Variants in ALDH1L2 observed in about 807,000 individuals in gnomAD.
The protein encoded by ALDH1L2 is mitochondrial 10-formyltetrahydrofolate dehydrogenase.
A neutral mutation model predicts 111.0 loss-of-function variants in ALDH1L2; 91 were observed. The observed-to-expected ratio is 0.82, with a 90% CI of 0.69 to 0.98. The LOEUF (loss-of-function observed/expected upper bound fraction) is 0.98. ALDH1L2 is among the 50% of genes least tolerant of loss of function. The probability of loss-of-function intolerance (pLI) is 0.00; values close to 1 mark genes in which losing one functional copy is unlikely to be tolerated. For missense variants in ALDH1L2, 995 were observed against 1,126.8 expected, an observed-to-expected ratio of 0.88 and a Z score of 1.67; for synonymous variants, 374 against 392.6, an observed-to-expected ratio of 0.95 and a Z score of 0.56.
intron 20 of ALDH1L2, 78 bp from the exon 21 acceptor site, chr12:105,030,507 A>T: frequency 8.1e-7 from 1 of 1,240,774 alleles, no homozygotes; most frequent in Non-Finnish European, 1.1e-6. Flanking sequence ...ACTTAATTAC[A>T]TTATAATTTT....
Position 105,073,846 on chromosome 12 carries a change from C to T in ALDH1L2, c.193+15G>A. On this transcript the variant is annotated intron_variant, in intron 2 of 22. Transcript: ENST00000258494. The stretch of plus-strand genomic sequence containing the variant: ...CCTGAGAATTCTTGACCCAGTCATC[C>T]CAAGATGCACTCACCCAGAGGGTCA... 1 of 1,613,720 alleles carries T rather than the reference C, an allele frequency of 6.2e-7. No homozygotes were observed. The highest frequency in any genetic ancestry group is 1.1e-5 in the South Asian group (1 of 90,996).
chr12:105,074,093 G>A (rs998841800), intron 1 of ALDH1L2, 88 bp from the exon 2 acceptor site: 47 of 1,510,560 alleles, frequency 3.1e-5, no homozygotes, highest in Non-Finnish European at 3.8e-5. Flanking sequence ...TATTGGGTAC[G>A]ATGTTCACTC....
rs774102069 is a variant in ALDH1L2, at chr12:105,020,778, CAA to C, written c.*3644_*3645del. 16 of 152,172 alleles carry C rather than the reference CAA, an allele frequency of 1.1e-4. No homozygotes were observed. Among genetic ancestry groups the C allele is most frequent in the African/African-American group, 3.9e-4 (16 of 41,424 alleles). 9.4% of individuals were successfully genotyped at this position (152,172 alleles called of 1,614,324 possible). A position where few individuals can be genotyped will look rare whatever the true frequency, so the allele number is the denominator to read the frequency against. On this transcript the variant is annotated 3_prime_UTR_variant, in exon 23 of 23. Transcript: ENST00000258494. The stretch of plus-strand genomic sequence containing the variant: ...AGCCAGCCATGAGGTTGTGTATGGA[CAA>C]GAGTTGCAGGAAGAGGCAGTGGTGT...
chr12:105,038,832 G>A (rs1231320477), intron 17 of ALDH1L2, among the ~76,000 whole-genome samples: 3 of 152,070 alleles, frequency 2.0e-5, no homozygotes, highest in Non-Finnish European at 2.9e-5. Flanking sequence ...CAAAAATGTT[G>A]TGGTCAAAAG....
intron 10 of ALDH1L2, among the ~76,000 whole-genome samples, chr12:105,053,765 G>A (rs4144468): frequency 0.39 from 58,570 of 151,672 alleles, 12,522 homozygotes; most frequent in Middle Eastern, 0.61. Flanking sequence ...CCACTTTTCT[G>A]AAATTATCAT....
intron 15 of ALDH1L2, among the ~76,000 whole-genome samples, chr12:105,043,729 G>A (rs79188233): frequency 0.074 from 11,219 of 152,094 alleles, 458 homozygotes; most frequent in Middle Eastern, 0.092. Flanking sequence ...ATTTTTATTG[G>A]TTTTCTTCCA....
chr12:105,034,154 T>TA (rs1874851847), intron 19 of ALDH1L2, 146 bp downstream of exon 19: 1 of 707,268 alleles, frequency 1.4e-6, no homozygotes, highest in Non-Finnish European at 2.3e-6. Context: ...TATGTAGCTA[T>TA]AAAAAAACTA....
chr12:105,037,256 T>C (rs1266678111), intron 18 of ALDH1L2, among the ~76,000 whole-genome samples: 1 of 152,240 alleles, frequency 6.6e-6, no homozygotes, highest in African/African-American at 2.4e-5. Context: ...CTTTATACTT[T>C]GAAATAGTTT....
intron 15 of ALDH1L2, among the ~76,000 whole-genome samples, chr12:105,045,148 A>G (rs1592777748): frequency 6.6e-6 from 1 of 151,618 alleles, no homozygotes. Flanking sequence ...CAATGGTGCA[A>G]CCTCCGCTCA....
chr12:105,074,457 C>CAAAAAAAAAAAAAAAAAAAAAAAAAAA (rs1565974203), intron 1 of ALDH1L2, among the ~76,000 whole-genome samples: 3 of 93,696 alleles, frequency 3.2e-5, no homozygotes, highest in East Asian at 3.2e-4. Context: ...GACTCTGTCT[C>CAAAAAAAAAAAAAAAAAAAAAAAAAAA]CAAAAAAAAA....
intron 1 of ALDH1L2, 76 bp downstream of exon 1, chr12:105,084,313 G>T: frequency 2.1e-6 from 3 of 1,451,556 alleles, no homozygotes; most frequent in Non-Finnish European, 2.7e-6. Context: ...CAGCCCCACC[G>T]CCCCGGCCCT....
intron 3 of ALDH1L2, among the ~76,000 whole-genome samples, chr12:105,070,102 T>C (rs1448893807): frequency 6.6e-6 from 1 of 152,202 alleles, no homozygotes; most frequent in Non-Finnish European, 1.5e-5. Flanking sequence ...ATACTGACAT[T>C]AAAGCCCGTA....
At chr12:105,062,583 T>C (rs141067164) in intron 7 of ALDH1L2, among the ~76,000 whole-genome samples, 2,406 of 152,262 alleles carry the variant, frequency 0.016, 32 homozygotes, top group Middle Eastern at 0.051. Flanking sequence ...ACAGACAAGA[T>C]TCTCCTCTCT....
rs1363686619 is a variant in ALDH1L2, at chr12:105,063,251, C to T, written c.787-229G>A. ...CAGCACTTTGGGAGGCAGAGGCAGG[C>T]AGATCACGAGGTCAGGAGATCGAGA... On this transcript the variant is annotated intron_variant, in intron 6 of 22. Coordinates refer to ENST00000258494, the MANE Select transcript of ALDH1L2 (RefSeq NM_001034173.4). Among the ~76,000 whole-genome samples, 5 of 152,132 alleles carry T rather than the reference C, an allele frequency of 3.3e-5. No homozygotes were observed. The East Asian group carries it at 9.6e-4, about 29-fold the overall frequency.
chr12:105,062,575 A>G (rs898052958), intron 7 of ALDH1L2, among the ~76,000 whole-genome samples: 3 of 152,228 alleles, frequency 2.0e-5, no homozygotes, highest in Non-Finnish European at 4.4e-5. Flanking sequence ...GAAGGCAGAC[A>G]GACAAGATTC....
At chr12:105,074,774 C>T (rs1877949848) in intron 1 of ALDH1L2, among the ~76,000 whole-genome samples, 1 of 152,120 alleles carries the variant, frequency 6.6e-6, no homozygotes, top group Admixed American at 6.5e-5. Flanking sequence ...ACATAACATC[C>T]TGTTTTTAGG....
At position 105,038,749 on chromosome 12, in the gene ALDH1L2, G is replaced by A. The variant is rs1592771788; in HGVS notation, c.2046-547C>T. On this transcript the variant is annotated intron_variant, in intron 17 of 22. Transcript: ENST00000258494. ...GAATGGTGATTACCATTGAAGCTGA[G>A]TGATGAGTACATAAAATTCATTTTG... Among the ~76,000 whole-genome samples, 7 of 152,280 alleles carry A rather than the reference G, an allele frequency of 4.6e-5. 1 individual carries two copies. The highest frequency in any genetic ancestry group is 4.6e-4 in the Admixed American group (7 of 15,290).
At chr12:105,051,235 T>C (rs1028606746) in intron 12 of ALDH1L2, among the ~76,000 whole-genome samples, 2 of 152,210 alleles carry the variant, frequency 1.3e-5, no homozygotes, top group Admixed American at 6.5e-5. Context: ...GAATGACCTT[T>C]ATAGATTACA....
At chr12:105,039,606 T>C in intron 17 of ALDH1L2, 107 bp downstream of exon 17, 1 of 824,708 alleles carries the variant, frequency 1.2e-6, no homozygotes, top group Non-Finnish European at 2.0e-6. Flanking sequence ...TAGATTTCCC[T>C]TCCAAAGTTG....
Sources: allele counts gnomAD v4.1 joint callset (sites outside exome capture counted in the v4.1 genomes callset), GRCh38; gene constraint gnomAD v4.1.1; transcripts MANE v1.5; gene names NCBI Gene and HGNC (gene_info 2026-07-23, HGNC 2026-07-21).